Variants in THSD4 observed in about 807,000 individuals in gnomAD.
The protein encoded by THSD4 is thrombospondin type 1 domain containing 4.
A neutral mutation model predicts 119.0 loss-of-function variants in THSD4; 69 were observed. The observed-to-expected ratio is 0.58, with a 90% confidence interval of 0.48 to 0.71. THSD4 has a LOEUF of 0.71. THSD4 is among the 30% of genes least tolerant of loss of function. The pLI, the probability that THSD4 is intolerant of heterozygous loss-of-function variation, is 0.00. For missense variants in THSD4, 1,393 were observed against 1,391.1 expected, an observed-to-expected ratio of 1.00 and a Z score of -0.02; for synonymous variants, 524 against 540.4, an observed-to-expected ratio of 0.97 and a Z score of 0.42.
chr15:71,212,451 T>C, intron 3 of THSD4, among the ~76,000 whole-genome samples: 1 of 152,210 alleles, frequency 6.6e-6, no homozygotes. Context: ...ATTTTGAGTA[T>C]AGCTGTATGT....
At chr15:71,122,873 A>G (rs1183764923) in intron 1 of THSD4, among the ~76,000 whole-genome samples, 1 of 152,194 alleles carries the variant, frequency 6.6e-6, no homozygotes, top group African/African-American at 2.4e-5. Flanking sequence ...TTGGAAATAC[A>G]CTTCCCAGCC....
intron 1 of THSD4, among the ~76,000 whole-genome samples, chr15:71,119,910 T>C (rs535977205): frequency 6.6e-6 from 1 of 152,230 alleles, no homozygotes; most frequent in East Asian, 1.9e-4. Context: ...ATGGCCAAAG[T>C]CTGGAGGGCT....
At chr15:71,314,627 AAG>A (rs2045161403) in intron 6 of THSD4, among the ~76,000 whole-genome samples, 2 of 152,168 alleles carry the variant, frequency 1.3e-5, no homozygotes, top group Non-Finnish European at 2.9e-5. Context: ...ATTCTTTTAA[AAG>A]AGAAAAGTAC....
intron 10 of THSD4, among the ~76,000 whole-genome samples, 198 bp from the exon 11 acceptor site, chr15:71,737,534 C>G (rs2053136942): frequency 6.6e-6 from 1 of 152,122 alleles, no homozygotes; most frequent in Non-Finnish European, 1.5e-5. Context: ...TCGTCTTTGT[C>G]TTATTGATTT....
At chr15:71,614,422 C>T (rs34989103) in intron 7 of THSD4, among the ~76,000 whole-genome samples, 5 of 152,116 alleles carry the variant, frequency 3.3e-5, no homozygotes, top group Non-Finnish European at 7.4e-5. Flanking sequence ...CTGGTTCTCA[C>T]ACCTACTCCT....
intron 7 of THSD4, among the ~76,000 whole-genome samples, chr15:71,422,299 T>C (rs1424270239): frequency 1.3e-5 from 2 of 152,182 alleles, no homozygotes; most frequent in Non-Finnish European, 2.9e-5. Flanking sequence ...AGTCTGGGTT[T>C]GTTTGTACTC....
At chr15:71,379,461 T>C (rs1043746456) in intron 6 of THSD4, among the ~76,000 whole-genome samples, 1 of 134,564 alleles carries the variant, frequency 7.4e-6, no homozygotes. Flanking sequence ...TTTTTTTTTT[T>C]TTTTTTTTTT....
At chr15:71,435,107 TCAAA>T (rs1224258247) in intron 7 of THSD4, among the ~76,000 whole-genome samples, 1 of 151,924 alleles carries the variant, frequency 6.6e-6, no homozygotes, top group African/African-American at 2.4e-5. Context: ...AAGTCAAGAG[TCAAA>T]CAAATATAAA....
chr15:71,129,081 C>A (rs2040480091), intron 1 of THSD4, among the ~76,000 whole-genome samples: 1 of 152,104 alleles, frequency 6.6e-6, no homozygotes, highest in Non-Finnish European at 1.5e-5. Context: ...GAGAGGGTAT[C>A]CCAGAGGCCC....
rs570501964 is a variant in THSD4, at chr15:71,727,333, G to C, written c.1358-1216G>C. ...TGAATGAAGCTGACCAGGTACATGA[G>C]AAAATCATGTGACCCTCTTAGCTTT... On this transcript the variant is annotated intron_variant, in intron 8 of 17. Transcript: ENST00000261862. Among the ~76,000 whole-genome samples, 6 of 152,028 alleles carry C rather than the reference G, an allele frequency of 3.9e-5. No homozygotes were observed. In the East Asian group the frequency reaches 9.7e-4, roughly 25 times the overall value.
At chr15:71,661,393 AT>A (rs1406520557) in intron 8 of THSD4, among the ~76,000 whole-genome samples, 1 of 146,390 alleles carries the variant, frequency 6.8e-6, no homozygotes. Flanking sequence ...CACATTATTT[AT>A]TTATTTATTT....
intron 7 of THSD4, among the ~76,000 whole-genome samples, chr15:71,457,978 A>AT (rs1380170093): frequency 6.6e-6 from 1 of 152,194 alleles, no homozygotes; most frequent in Non-Finnish European, 1.5e-5. Context: ...GGGATCTGTG[A>AT]TATTAGCAGT....
chr15:71,542,497 G>A (rs2048772213), intron 7 of THSD4, among the ~76,000 whole-genome samples: 1 of 152,180 alleles, frequency 6.6e-6, no homozygotes, highest in South Asian at 2.1e-4. Flanking sequence ...TACCCCTGAC[G>A]AATGTGATAA....
chr15:71,703,796 G>A (rs2141076206), intron 8 of THSD4, among the ~76,000 whole-genome samples: 1 of 152,284 alleles, frequency 6.6e-6, no homozygotes, highest in East Asian at 1.9e-4. Context: ...AAGGATCTTG[G>A]CAAATTTTAG....
intron 7 of THSD4, among the ~76,000 whole-genome samples, chr15:71,611,559 C>G (rs182070572): frequency 4.4e-4 from 67 of 152,302 alleles, no homozygotes; most frequent in African/African-American, 1.6e-3. Flanking sequence ...CACTGGGGAC[C>G]CCCAAAGAGC....
At chr15:71,309,848 C>T (rs1281741235) in intron 6 of THSD4, among the ~76,000 whole-genome samples, 1 of 152,190 alleles carries the variant, frequency 6.6e-6, no homozygotes, top group African/African-American at 2.4e-5. Context: ...GAAGGTGTGG[C>T]ATGCAGGCCG....
At chr15:71,588,203 G>C (rs968722275) in intron 7 of THSD4, among the ~76,000 whole-genome samples, 16 of 150,970 alleles carry the variant, frequency 1.1e-4, no homozygotes, top group African/African-American at 3.6e-4. Flanking sequence ...CTACTCGGGA[G>C]GCTGAGGCAG....
At chr15:71,111,613 T>C, upstream of THSD4, 1 of 596,136 alleles carries the variant, frequency 1.7e-6, no homozygotes, top group Non-Finnish European at 3.0e-6. Flanking sequence ...CTTTACAGTC[T>C]GCATAAGTTT....
At chr15:71,535,518 C>G (rs1221515788) in intron 7 of THSD4, among the ~76,000 whole-genome samples, 1 of 152,100 alleles carries the variant, frequency 6.6e-6, no homozygotes, top group Non-Finnish European at 1.5e-5. Flanking sequence ...TGTGGTAATT[C>G]TACATTTAAC....
Sources: gnomAD v4.1 joint callset for allele counts (sites outside exome capture counted in the v4.1 genomes callset) on GRCh38, gnomAD v4.1.1 for gene constraint, MANE v1.5 for transcripts, NCBI Gene and HGNC (gene_info 2026-07-23, HGNC 2026-07-21) for gene names.